Variants in CNBD1 observed in about 807,000 individuals in gnomAD.
CNBD1 encodes cyclic nucleotide binding domain containing 1, also known as cyclic nucleotide-binding domain-containing protein 1.
In CNBD1, 71 loss-of-function variants were observed where a neutral mutation model predicts 54.4. The ratio of observed to expected loss-of-function variants is 1.30; its 90% CI spans 1.08 to 1.59. CNBD1 has a LOEUF of 1.59. Among genes scored for constraint, CNBD1 ranks in the 40% most tolerant of loss-of-function variants. The probability of loss-of-function intolerance (pLI) is 0.00; values close to 1 mark genes in which losing one functional copy is unlikely to be tolerated. For synonymous variants in CNBD1, 182 were observed against 170.7 expected, an observed-to-expected ratio of 1.07 and a Z score of -0.51; for missense variants, 659 against 518.0, an observed-to-expected ratio of 1.27 and a Z score of -2.64.
intron 4 of CNBD1, among the ~76,000 whole-genome samples, chr8:86,971,696 GTTTTGTGAATA>G (rs1039584601): frequency 2.9e-4 from 44 of 151,618 alleles, no homozygotes; most frequent in African/African-American, 9.7e-4. Flanking sequence ...TTTTTATATC[GTTTTGTGAATA>G]TTTTGTGAAT....
intron 6 of CNBD1, among the ~76,000 whole-genome samples, chr8:87,263,626 T>C (rs1454919232): frequency 6.6e-6 from 1 of 152,206 alleles, no homozygotes; most frequent in Non-Finnish European, 1.5e-5. Context: ...ATTCTTCTAT[T>C]ATTAGTAGAA....
chr8:87,040,459 T>C (rs552509564), intron 4 of CNBD1, among the ~76,000 whole-genome samples: 6 of 151,256 alleles, frequency 4.0e-5, no homozygotes, highest in Admixed American at 2.0e-4. Context: ...AGTCTTGCTT[T>C]GTCGCCCAGT....
intron 4 of CNBD1, among the ~76,000 whole-genome samples, chr8:87,105,745 T>C (rs1436543418): frequency 6.6e-6 from 1 of 152,170 alleles, no homozygotes; most frequent in Non-Finnish European, 1.5e-5. Context: ...TTGGACATTA[T>C]AGATTAAGTT....
chr8:87,416,492 C>G (rs144043468), intron 2 of CNBD1, among the ~76,000 whole-genome samples: 2 of 151,952 alleles, frequency 1.3e-5, no homozygotes, highest in Admixed American at 6.6e-5. Flanking sequence ...TGAAAAACAA[C>G]GGCTCCAATC....
intron 4 of CNBD1, among the ~76,000 whole-genome samples, chr8:87,100,207 G>A (rs570867857): frequency 1.3e-5 from 2 of 152,176 alleles, no homozygotes; most frequent in Non-Finnish European, 2.9e-5. Context: ...AGTTTCAGTG[G>A]TGTTAGGGAG....
intron 4 of CNBD1, among the ~76,000 whole-genome samples, chr8:87,059,542 T>C (rs1487464992): frequency 6.6e-6 from 1 of 152,146 alleles, no homozygotes; most frequent in African/African-American, 2.4e-5. Context: ...AAAATCATGA[T>C]GGAAGGGGAA....
At chr8:86,886,552 T>C (rs1450149862) in intron 1 of CNBD1, among the ~76,000 whole-genome samples, 1 of 152,200 alleles carries the variant, frequency 6.6e-6, no homozygotes, top group Non-Finnish European at 1.5e-5. Context: ...TTATTGGTGA[T>C]TAAAACCAAT....
chr8:87,135,787 T>A (rs1231728110), intron 4 of CNBD1, among the ~76,000 whole-genome samples: 1 of 151,574 alleles, frequency 6.6e-6, no homozygotes, highest in Non-Finnish European at 1.5e-5. Flanking sequence ...ATGATTAGCA[T>A]CCTAAAACTA....
chr8:87,364,744 T>G (rs967619629), intron 10 of CNBD1, among the ~76,000 whole-genome samples: 7 of 152,068 alleles, frequency 4.6e-5, no homozygotes, highest in African/African-American at 1.7e-4. Flanking sequence ...ATATGCTGTA[T>G]TTGGTTTTCT....
At chr8:87,126,837 G>A (rs1811999531) in intron 4 of CNBD1, among the ~76,000 whole-genome samples, 1 of 151,844 alleles carries the variant, frequency 6.6e-6, no homozygotes, top group East Asian at 1.9e-4. Flanking sequence ...GTGGGTTGAA[G>A]TTTATTATTT....
chr8:87,086,958 T>A (rs1178109855), intron 4 of CNBD1, among the ~76,000 whole-genome samples: 1 of 151,896 alleles, frequency 6.6e-6, no homozygotes, highest in African/African-American at 2.4e-5. Context: ...GACAAGAAAC[T>A]AAAGACAGTA....
intron 2 of CNBD1, among the ~76,000 whole-genome samples, chr8:87,398,205 T>C (rs1811443306): frequency 6.6e-6 from 1 of 151,062 alleles, no homozygotes; most frequent in Non-Finnish European, 1.5e-5. Context: ...TTGAAATATT[T>C]TCTTATTTTC....
chr8:87,095,144 C>A (rs933319236), intron 4 of CNBD1, among the ~76,000 whole-genome samples: 2 of 152,236 alleles, frequency 1.3e-5, no homozygotes, highest in Non-Finnish European at 2.9e-5. Context: ...GTGAAACCTT[C>A]AGATTAAAGC....
At chr8:87,378,926 G>A (rs1030867719) in intron 10 of CNBD1, among the ~76,000 whole-genome samples, 1 of 149,108 alleles carries the variant, frequency 6.7e-6, no homozygotes, top group Non-Finnish European at 1.5e-5. Context: ...ATTGTGAATG[G>A]GAGTTCACTC....
chr8:87,415,136 A>C (rs1223218389), intron 2 of CNBD1, among the ~76,000 whole-genome samples: 1 of 152,064 alleles, frequency 6.6e-6, no homozygotes, highest in South Asian at 2.1e-4. Flanking sequence ...TACCACATGT[A>C]CATTGATTTC....
intron 4 of CNBD1, among the ~76,000 whole-genome samples, chr8:86,962,126 C>T (rs1807944623): frequency 6.6e-6 from 1 of 152,126 alleles, no homozygotes; most frequent in Non-Finnish European, 1.5e-5. Flanking sequence ...AAAAATGAAT[C>T]AATGATGCCT....
At chr8:87,334,113 G>A (rs1485758969) in intron 8 of CNBD1, among the ~76,000 whole-genome samples, 1 of 151,852 alleles carries the variant, frequency 6.6e-6, no homozygotes, top group Admixed American at 6.6e-5. Flanking sequence ...GTCTTGGGAG[G>A]GTGTATGTGT....
chr8:87,075,442 A>C (rs1239978419), intron 4 of CNBD1, among the ~76,000 whole-genome samples: 1 of 152,242 alleles, frequency 6.6e-6, no homozygotes, highest in African/African-American at 2.4e-5. Context: ...CACCAAAAAA[A>C]GTATAAAAAA....
chr8:87,220,567 A>G (rs1177085163), intron 5 of CNBD1, among the ~76,000 whole-genome samples: 1 of 139,942 alleles, frequency 7.1e-6, no homozygotes, highest in East Asian at 2.1e-4. Flanking sequence ...ACTTTAATGT[A>G]TATGCTTCTG....
Sources: gnomAD v4.1 joint callset for allele counts (sites outside exome capture counted in the v4.1 genomes callset) on GRCh38, gnomAD v4.1.1 for gene constraint, MANE v1.5 for transcripts, NCBI Gene and HGNC (gene_info 2026-07-23, HGNC 2026-07-21) for gene names.